UBE2G2: variants seen among roughly 807,000 people sequenced by gnomAD.
The protein encoded by UBE2G2 is ubiquitin-conjugating enzyme E2 G2.
UBE2G2 carries 10 observed loss-of-function variants against 23.0 expected under a neutral mutation model. The ratio of observed to expected loss-of-function variants is 0.43; its 90% CI spans 0.27 to 0.74. The LOEUF is 0.74. Among genes scored for constraint, UBE2G2 ranks in the 30% least tolerant of loss-of-function variants. The probability of loss-of-function intolerance (pLI) is 0.19; values close to 1 mark genes in which losing one functional copy is unlikely to be tolerated. For synonymous variants in UBE2G2, 86 were observed against 81.3 expected, an observed-to-expected ratio of 1.06 and a Z score of -0.31; for missense variants, 150 against 218.3, an observed-to-expected ratio of 0.69 and a Z score of 1.97.
Position 44,771,637 on chromosome 21 carries a change from C to A in UBE2G2, c.386-148G>T. The A allele has an allele frequency of 1.2e-6, 1 of 809,926 alleles. No individual in the cohort carries two copies. The highest frequency in any genetic ancestry group is 2.0e-6 in the Non-Finnish European group (1 of 508,118). 50.2% of individuals were successfully genotyped at this position (809,926 alleles called of 1,614,324 possible). A position where few individuals can be genotyped will look rare whatever the true frequency, so the allele number is the denominator to read the frequency against. On this transcript the variant is annotated intron_variant, in intron 5 of 5. Coordinates refer to ENST00000345496, the MANE Select transcript of UBE2G2 (RefSeq NM_003343.6). This position sits in a 1 kb window ranked among gnomAD's most constrained non-coding sequence, Gnocchi z 4.6. ...AACCTGAGAACTGCATGGGGTCGGCCCCACCTCTAGAGTGCTGGCCACGCA... is the reference window on the plus strand; with the variant it reads ...AACCTGAGAACTGCATGGGGTCGGCACCACCTCTAGAGTGCTGGCCACGCA...
chr21:44,799,903 C>G (rs1555964491), intron 1 of UBE2G2: 1 of 152,246 alleles, frequency 6.6e-6, no homozygotes, highest in East Asian at 1.9e-4. Flanking sequence ...CTTGAGCCCA[C>G]TGTACAGTTA....
At chr21:44,785,970 A>G (rs549488637) in intron 3 of UBE2G2, among the ~76,000 whole-genome samples, 1 of 152,342 alleles carries the variant, frequency 6.6e-6, no homozygotes, top group South Asian at 2.1e-4. Context: ...AAAATTGGTA[A>G]TAGTTACCCT....
At chr21:44,780,403 C>G (rs2082946935) in intron 3 of UBE2G2, among the ~76,000 whole-genome samples, 1 of 152,232 alleles carries the variant, frequency 6.6e-6, no homozygotes. Context: ...CCTCACTTCT[C>G]TTTCACCGAA....
chr21:44,781,122 A>C (rs1230232870), intron 3 of UBE2G2, among the ~76,000 whole-genome samples: 1 of 152,208 alleles, frequency 6.6e-6, no homozygotes, highest in Non-Finnish European at 1.5e-5. Context: ...AAAGAATTAA[A>C]ATCACAGAGA....
At chr21:44,777,787 G>A (rs1362452013) in intron 3 of UBE2G2, among the ~76,000 whole-genome samples, 29 of 152,092 alleles carry the variant, frequency 1.9e-4, no homozygotes, top group African/African-American at 1.9e-4. Flanking sequence ...AAGCCTGGGC[G>A]ACAGAGCGTG....
intron 1 of UBE2G2, among the ~76,000 whole-genome samples, chr21:44,798,681 C>T (rs782199337): frequency 2.6e-5 from 4 of 152,360 alleles, no homozygotes; most frequent in Non-Finnish European, 4.4e-5. Context: ...TCAGGCTCCA[C>T]CTCTAATTCC....
At chr21:44,782,625 A>G (rs1434936857) in intron 3 of UBE2G2, among the ~76,000 whole-genome samples, 11 of 152,252 alleles carry the variant, frequency 7.2e-5, no homozygotes, top group African/African-American at 2.7e-4. Flanking sequence ...GAGTCCAAAA[A>G]TAAATCCTTG....
intron 3 of UBE2G2, among the ~76,000 whole-genome samples, chr21:44,780,142 T>C (rs1251491435): frequency 6.6e-6 from 1 of 152,234 alleles, no homozygotes; most frequent in Non-Finnish European, 1.5e-5. Flanking sequence ...TGACCAAACA[T>C]TTCCTGAAGT....
At chr21:44,776,983 T>A (rs1438659057) in intron 4 of UBE2G2, 4 of 232,274 alleles carry the variant, frequency 1.7e-5, no homozygotes, top group Non-Finnish European at 3.3e-5. Flanking sequence ...CAAATAACAC[T>A]ATGACAAAGA....
At chr21:44,791,785 C>T (rs1296111661) in intron 1 of UBE2G2, among the ~76,000 whole-genome samples, 2 of 152,192 alleles carry the variant, frequency 1.3e-5, no homozygotes, top group African/African-American at 4.8e-5. Context: ...GGTAGATCCA[C>T]CAAGAGCTTT....
intron 3 of UBE2G2, among the ~76,000 whole-genome samples, chr21:44,787,092 C>CA (rs11448217): frequency 0.24 from 33,558 of 140,976 alleles, 4,683 homozygotes; most frequent in East Asian, 0.58. Context: ...AACTCCATCT[C>CA]AAAAAAAAAA....
chr21:44,781,285 C>T (rs555299857), intron 3 of UBE2G2, among the ~76,000 whole-genome samples: 9 of 152,346 alleles, frequency 5.9e-5, no homozygotes, highest in South Asian at 2.1e-4. Flanking sequence ...ACCTCCCTTA[C>T]GCTACAGAAT....
At chr21:44,799,763 C>T (rs1555964460) in intron 1 of UBE2G2, among the ~76,000 whole-genome samples, 1 of 152,246 alleles carries the variant, frequency 6.6e-6, no homozygotes, top group African/African-American at 2.4e-5. Context: ...TTTTCCTTTG[C>T]ATTCACAACT....
intron 1 of UBE2G2, among the ~76,000 whole-genome samples, chr21:44,797,595 G>A (rs1412373863): frequency 6.6e-6 from 1 of 151,672 alleles, no homozygotes; most frequent in African/African-American, 2.4e-5. Context: ...CGCGCCTGTA[G>A]TCCCAGCTAC....
At chr21:44,777,267 G>A (rs2082920296) in intron 4 of UBE2G2, 32 bp downstream of exon 4, 1 of 1,575,140 alleles carries the variant, frequency 6.3e-7, no homozygotes. Flanking sequence ...ACCTATCCTG[G>A]TACCACAAAA....
rs373917675 is a variant in UBE2G2 at position 44,787,896 on chromosome 21, C to G, written c.125+24G>C. ...CTGACTTCCAGCAAAGCCCTAAAAACTAGTACACCTAAAATTAACTTACAT... is the reference window on the plus strand; with the variant it reads ...CTGACTTCCAGCAAAGCCCTAAAAAGTAGTACACCTAAAATTAACTTACAT... On this transcript the variant is annotated intron_variant, in intron 3 of 5. Transcript: ENST00000345496. 5.0e-6 allele frequency: 8 copies of G among 1,612,980 alleles called. No individual in the cohort carries two copies. The African/African-American group carries it at 1.1e-4, about 22-fold the overall frequency.
chr21:44,773,717 C>G (rs1323308948), intron 4 of UBE2G2, 30 bp from the exon 5 acceptor site: 2 of 1,605,270 alleles, frequency 1.2e-6, no homozygotes, highest in Non-Finnish European at 8.5e-7. Flanking sequence ...CCAAGTGAGC[C>G]CAGGAATGGT....
At chr21:44,781,648 CT>C (rs1391760236) in intron 3 of UBE2G2, among the ~76,000 whole-genome samples, 2 of 152,176 alleles carry the variant, frequency 1.3e-5, no homozygotes, top group African/African-American at 4.8e-5. Context: ...AGCACTTGGT[CT>C]CCACCAGGAT....
intron 1 of UBE2G2, among the ~76,000 whole-genome samples, chr21:44,794,142 A>G (rs1361552436): frequency 1.3e-5 from 2 of 152,242 alleles, no homozygotes; most frequent in Non-Finnish European, 2.9e-5. Flanking sequence ...CATAGAGGAC[A>G]GAGCCTCAGA....
Sources: allele counts gnomAD v4.1 joint callset (sites outside exome capture counted in the v4.1 genomes callset), GRCh38; gene constraint gnomAD v4.1.1; non-coding constraint Gnocchi (gnomAD v3.1); transcripts MANE v1.5; gene names NCBI Gene and HGNC (gene_info 2026-07-23, HGNC 2026-07-21).